Variants in NCAM2 observed in about 807,000 individuals in gnomAD.
The protein encoded by NCAM2 is neural cell adhesion molecule 2, also known as N-CAM-2.
Under a neutral mutation model 98.1 loss-of-function variants are expected in NCAM2, and 30 were observed. That is an observed-to-expected ratio of 0.31 (90% CI 0.23 to 0.41). NCAM2 has a LOEUF of 0.41. Among genes scored for constraint, NCAM2 ranks in the 10% least tolerant of loss-of-function variants. NCAM2 has a pLI of 1.00. For synonymous variants in NCAM2, 368 were observed against 342.4 expected, an observed-to-expected ratio of 1.07 and a Z score of -0.83; for missense variants, 867 against 1,005.8, an observed-to-expected ratio of 0.86 and a Z score of 1.87.
chr21:21,106,366 T>A (rs920726130), intron 1 of NCAM2, among the ~76,000 whole-genome samples: 3 of 150,430 alleles, frequency 2.0e-5, no homozygotes, highest in African/African-American at 7.3e-5. Flanking sequence ...GGCAATATAT[T>A]TAAATATGAT....
chr21:21,453,277 G>A (rs1397726991), intron 12 of NCAM2, among the ~76,000 whole-genome samples: 2 of 151,162 alleles, frequency 1.3e-5, no homozygotes, highest in Non-Finnish European at 2.9e-5. Flanking sequence ...GGAGTCAGCA[G>A]GGTCTGTGAT....
intron 1 of NCAM2, among the ~76,000 whole-genome samples, chr21:21,172,641 G>A (rs2068160972): frequency 6.6e-6 from 1 of 152,012 alleles, no homozygotes; most frequent in African/African-American, 2.4e-5. Flanking sequence ...GCCTTTAACT[G>A]GATAAAGTGT....
intron 11 of NCAM2, among the ~76,000 whole-genome samples, chr21:21,429,605 G>T (rs1006264408): frequency 6.6e-6 from 1 of 152,056 alleles, no homozygotes; most frequent in African/African-American, 2.4e-5. Flanking sequence ...GTAAATTTTG[G>T]ATCAAACCTA....
At chr21:21,063,522 C>T (rs2065368071) in intron 1 of NCAM2, among the ~76,000 whole-genome samples, 2 of 151,592 alleles carry the variant, frequency 1.3e-5, no homozygotes, top group African/African-American at 4.8e-5. Context: ...TGCCTGGACA[C>T]GTTACATTCT....
intron 5 of NCAM2, among the ~76,000 whole-genome samples, chr21:21,297,221 C>T (rs776023398): frequency 1.4e-4 from 22 of 151,726 alleles, no homozygotes; most frequent in Non-Finnish European, 2.7e-4. Flanking sequence ...TGAGTAAGGA[C>T]GTGCATAAAT....
chr21:21,081,025 T>C (rs1343953140), intron 1 of NCAM2, among the ~76,000 whole-genome samples: 1 of 152,116 alleles, frequency 6.6e-6, no homozygotes, highest in Non-Finnish European at 1.5e-5. Flanking sequence ...ACTTGGAGTT[T>C]TATATGATGG....
At chr21:21,251,699 CGCTGTCTTCTACAATG>C (rs1247211777) in intron 1 of NCAM2, among the ~76,000 whole-genome samples, 3 of 150,712 alleles carry the variant, frequency 2.0e-5, no homozygotes, top group Admixed American at 2.0e-4. Flanking sequence ...GGAATCACCA[CGCTGTCTTCTACAATG>C]GTTGAATATC....
chr21:21,037,932 G>T (rs1277023086), intron 1 of NCAM2, among the ~76,000 whole-genome samples: 1 of 152,126 alleles, frequency 6.6e-6, no homozygotes, highest in Non-Finnish European at 1.5e-5. Flanking sequence ...CCATTTTAAG[G>T]ATATATTAAT....
intron 1 of NCAM2, among the ~76,000 whole-genome samples, chr21:21,148,611 T>C (rs1175548833): frequency 1.3e-5 from 2 of 152,184 alleles, no homozygotes; most frequent in African/African-American, 4.8e-5. Flanking sequence ...CAAAAGTAGA[T>C]AAGAATCCTA....
chr21:21,061,895 G>A (rs146491517), intron 1 of NCAM2, among the ~76,000 whole-genome samples: 5 of 152,074 alleles, frequency 3.3e-5, no homozygotes, highest in Non-Finnish European at 7.4e-5. Flanking sequence ...AATATTACCA[G>A]TATTTCAATG....
intron 1 of NCAM2, among the ~76,000 whole-genome samples, chr21:21,071,458 C>T (rs187792376): frequency 5.5e-4 from 84 of 151,988 alleles, no homozygotes; most frequent in African/African-American, 1.8e-3. Context: ...GTCCAGAGTG[C>T]AGAGCTCAAG....
intron 9 of NCAM2, among the ~76,000 whole-genome samples, chr21:21,390,757 A>T (rs2076363631): frequency 6.6e-6 from 1 of 152,214 alleles, no homozygotes; most frequent in African/African-American, 2.4e-5. Context: ...GCAATTCTAG[A>T]AAGCAAGAGA....
chr21:21,101,557 C>T, intron 1 of NCAM2, among the ~76,000 whole-genome samples: 1 of 152,096 alleles, frequency 6.6e-6, no homozygotes, highest in Non-Finnish European at 1.5e-5. Flanking sequence ...TTAAAGCTTT[C>T]TTTTATTTCA....
intron 15 of NCAM2, among the ~76,000 whole-genome samples, chr21:21,479,151 G>A (rs967357532): frequency 5.4e-5 from 7 of 130,596 alleles, no homozygotes; most frequent in African/African-American, 1.6e-4. Flanking sequence ...AACTTAATCC[G>A]TTTAATTTAA....
chr21:21,164,970 G>A (rs570867131), intron 1 of NCAM2, among the ~76,000 whole-genome samples: 21 of 152,058 alleles, frequency 1.4e-4, no homozygotes, highest in Non-Finnish European at 2.9e-4. Flanking sequence ...CATATACCAG[G>A]CACTATCTTA....
At chr21:21,211,081 T>G (rs1197681615) in intron 1 of NCAM2, among the ~76,000 whole-genome samples, 1 of 151,822 alleles carries the variant, frequency 6.6e-6, no homozygotes. Flanking sequence ...GCTAAATACA[T>G]TTTAAGAATC....
chr21:21,064,476 T>C (rs972939968), intron 1 of NCAM2, among the ~76,000 whole-genome samples: 4 of 152,166 alleles, frequency 2.6e-5, no homozygotes, highest in Non-Finnish European at 5.9e-5. Context: ...GAGGTCCCAC[T>C]ATTATGGTTT....
rs527394553 is a variant in NCAM2 at position 21,365,226 on chromosome 21, T to C, written c.1045-8637T>C. Among the ~76,000 whole-genome samples the C allele has an allele frequency of 2.1e-4, 25 of 119,564 alleles. 1 individual carries two copies. The South Asian group carries it at 7.8e-3, about 37-fold the overall frequency. The allele number at this position is 119,564 out of a possible 152,430, so 78.4% of individuals were successfully genotyped here. On this transcript the variant is annotated intron_variant, in intron 8 of 17. Transcript: ENST00000400546. ...CTTTCCGTTGGAGATTTGAGCTAAT[T>C]ATTGCTTAGTGCGTGTGTGTGTGTG... is the stretch of plus-strand genomic sequence containing the variant.
chr21:21,256,995 C>G (rs2071698089), intron 1 of NCAM2, among the ~76,000 whole-genome samples: 1 of 152,164 alleles, frequency 6.6e-6, no homozygotes, highest in East Asian at 1.9e-4. Flanking sequence ...CTGAATTGAA[C>G]CTGCAGCAAT....
Sources: gnomAD v4.1 joint callset for allele counts (sites outside exome capture counted in the v4.1 genomes callset) on GRCh38, gnomAD v4.1.1 for gene constraint, MANE v1.5 for transcripts, NCBI Gene and HGNC (gene_info 2026-07-23, HGNC 2026-07-21) for gene names.